Variants in PTPRD observed in about 807,000 individuals in gnomAD.
PTPRD encodes the protein protein tyrosine phosphatase receptor type D.
Under a neutral mutation model 214.5 loss-of-function variants are expected in PTPRD, and 34 were observed. The ratio of observed to expected loss-of-function variants is 0.16; its 90% CI spans 0.12 to 0.21. The LOEUF (loss-of-function observed/expected upper bound fraction) is 0.21. PTPRD is among the 10% of genes least tolerant of loss of function. PTPRD has a pLI of 1.00. For missense variants in PTPRD, 2,545 were observed against 2,398.7 expected (o/e 1.06, Z -1.27); for synonymous variants, 1,128 against 845.7 (o/e 1.33, Z -5.79).
chr9:8,709,514 CA>C (rs758112672), intron 12 of PTPRD, among the ~76,000 whole-genome samples: 175 of 56,296 alleles, frequency 3.1e-3, no homozygotes, highest in Middle Eastern at 0.011. Context: ...GACTCCATCT[CA>C]AAAAAAAAAA....
At chr9:9,277,686 C>G (rs1477586273) in intron 9 of PTPRD, among the ~76,000 whole-genome samples, 1 of 151,110 alleles carries the variant, frequency 6.6e-6, no homozygotes, top group Non-Finnish European at 1.5e-5. Flanking sequence ...TGGAAAAGCC[C>G]CTGGTCCAGA....
intron 10 of PTPRD, among the ~76,000 whole-genome samples, chr9:9,100,456 G>A (rs530211827): frequency 6.6e-6 from 1 of 152,122 alleles, no homozygotes; most frequent in East Asian, 1.9e-4. Flanking sequence ...TTTATTTTGG[G>A]GAACACCACC....
At chr9:9,434,743 T>C (rs12336802) in intron 8 of PTPRD, among the ~76,000 whole-genome samples, 2,175 of 151,910 alleles carry the variant, frequency 0.014, 49 homozygotes, top group African/African-American at 0.048. Flanking sequence ...CCCATAAATA[T>C]GTACAATTAC....
chr9:10,555,969 T>C (rs1227725013), intron 2 of PTPRD, among the ~76,000 whole-genome samples: 2 of 152,094 alleles, frequency 1.3e-5, no homozygotes, highest in Admixed American at 6.6e-5. Context: ...GAAGTAAAAA[T>C]GAAATAGCAT....
intron 2 of PTPRD, among the ~76,000 whole-genome samples, chr9:10,542,736 G>A (rs1189273710): frequency 9.9e-5 from 15 of 151,412 alleles, no homozygotes; most frequent in South Asian, 2.1e-4. Context: ...TTATTTTTTT[G>A]AGACAGAGTT....
intron 10 of PTPRD, among the ~76,000 whole-genome samples, chr9:9,095,228 C>T (rs1280030798): frequency 6.6e-6 from 1 of 151,998 alleles, no homozygotes; most frequent in Non-Finnish European, 1.5e-5. Context: ...CCACTCCCAC[C>T]CAACATACTG....
intron 12 of PTPRD, among the ~76,000 whole-genome samples, chr9:8,708,956 TGA>T (rs2098268407): frequency 6.6e-6 from 1 of 152,052 alleles, no homozygotes; most frequent in African/African-American, 2.4e-5. Flanking sequence ...ACAATATGGA[TGA>T]GTCTGGAGAC....
chr9:8,987,392 A>G (rs888152582), intron 11 of PTPRD, among the ~76,000 whole-genome samples: 1 of 152,090 alleles, frequency 6.6e-6, no homozygotes, highest in Admixed American at 6.6e-5. Context: ...GTACATTAAC[A>G]CAATGATTAC....
intron 3 of PTPRD, among the ~76,000 whole-genome samples, chr9:10,094,402 G>C (rs1204810308): frequency 6.6e-6 from 1 of 151,068 alleles, no homozygotes; most frequent in Non-Finnish European, 1.5e-5. Flanking sequence ...TTGAAGAAAA[G>C]GCATTGAAAA....
intron 2 of PTPRD, among the ~76,000 whole-genome samples, chr9:10,583,382 G>T (rs2072706484): frequency 6.6e-6 from 1 of 151,964 alleles, no homozygotes; most frequent in South Asian, 2.1e-4. Context: ...GAGGATATTG[G>T]GCTCTTGAGA....
chr9:10,353,343 T>A (rs1459822482), intron 2 of PTPRD, among the ~76,000 whole-genome samples: 2 of 151,984 alleles, frequency 1.3e-5, no homozygotes, highest in African/African-American at 2.4e-5. Context: ...CAAAATCTAA[T>A]GCTTTTCCTT....
chr9:9,213,979 C>T (rs2099950504), intron 9 of PTPRD, among the ~76,000 whole-genome samples: 1 of 151,912 alleles, frequency 6.6e-6, no homozygotes, highest in South Asian at 2.1e-4. Flanking sequence ...TCTTACTGGG[C>T]ATGATAATAA....
intron 2 of PTPRD, among the ~76,000 whole-genome samples, chr9:10,485,139 T>C (rs887095573): frequency 4.6e-5 from 7 of 152,082 alleles, no homozygotes; most frequent in African/African-American, 1.7e-4. Flanking sequence ...CTCCAGTGTA[T>C]TTTTGGCATA....
chr9:10,181,503 A>C (rs1198878933), intron 3 of PTPRD, among the ~76,000 whole-genome samples: 1 of 151,782 alleles, frequency 6.6e-6, no homozygotes, highest in Admixed American at 6.6e-5. Context: ...ACCAACACTA[A>C]CTTTTTTTTT....
At chr9:8,862,279 C>A (rs1011782451) in intron 11 of PTPRD, 2 of 152,218 alleles carry the variant, frequency 1.3e-5, no homozygotes, top group African/African-American at 4.8e-5. Context: ...TTGCTTGAAC[C>A]CAGGAGGTGG....
At chr9:10,105,075 T>G (rs2098610301) in intron 3 of PTPRD, among the ~76,000 whole-genome samples, 1 of 151,888 alleles carries the variant, frequency 6.6e-6, no homozygotes, top group African/African-American at 2.4e-5. Context: ...TGAACTAGCC[T>G]TTGTCTCATT....
chr9:10,131,181 G>A (rs757985145), intron 3 of PTPRD, among the ~76,000 whole-genome samples: 4 of 152,096 alleles, frequency 2.6e-5, no homozygotes, highest in Non-Finnish European at 5.9e-5. Context: ...AACAATTGCT[G>A]TGTTTTAATT....
intron 31 of PTPRD, 68 bp from the exon 32 acceptor site, chr9:8,465,743 G>C: frequency 7.3e-7 from 1 of 1,360,774 alleles, no homozygotes; most frequent in Non-Finnish European, 1.0e-6. Context: ...ATAATTTAAT[G>C]AGATAAATTA....
At chr9:9,981,893 G>C (rs1350947874) in intron 4 of PTPRD, among the ~76,000 whole-genome samples, 5 of 152,118 alleles carry the variant, frequency 3.3e-5, no homozygotes, top group African/African-American at 9.6e-5. Context: ...GACACATAAA[G>C]ACAGGGCTTT....
Sources: gnomAD v4.1 joint callset for allele counts (sites outside exome capture counted in the v4.1 genomes callset) on GRCh38, gnomAD v4.1.1 for gene constraint, MANE v1.5 for transcripts, NCBI Gene and HGNC (gene_info 2026-07-23, HGNC 2026-07-21) for gene names.